The following TTBK2 variants were observed in gnomAD, a reference collection of about 807,000 sequenced individuals.
TTBK2 encodes tau tubulin kinase 2, also known as tau-tubulin kinase 2.
In TTBK2, 28 loss-of-function variants were observed where a neutral mutation model predicts 110.8. The observed-to-expected ratio is 0.25, with a 90% confidence interval of 0.19 to 0.35. The LOEUF (loss-of-function observed/expected upper bound fraction) is 0.35, where lower values mean the gene tolerates loss of function less well. Among genes scored for constraint, TTBK2 ranks in the 10% least tolerant of loss-of-function variants. The pLI, the probability that TTBK2 is intolerant of heterozygous loss-of-function variation, is 1.00. For synonymous variants in TTBK2, 532 were observed against 527.3 expected, an observed-to-expected ratio of 1.01 and a Z score of -0.12; for missense variants, 1,369 against 1,500.3, an observed-to-expected ratio of 0.91 and a Z score of 1.45.
chr15:42,801,206 C>T (rs780961684), intron 9 of TTBK2: 9 of 1,470,532 alleles, frequency 6.1e-6, no homozygotes, highest in South Asian at 4.8e-5. Flanking sequence ...GCATCCCAGA[C>T]TCCAGCCAGC....
chr15:42,902,485 A>G (rs908917801), intron 1 of TTBK2, among the ~76,000 whole-genome samples: 1 of 152,090 alleles, frequency 6.6e-6, no homozygotes, highest in Non-Finnish European at 1.5e-5. Context: ...GTGCCATTGC[A>G]CTCCAGCCTG....
chr15:42,888,768 C>G (rs1895339765), intron 1 of TTBK2, among the ~76,000 whole-genome samples: 1 of 152,140 alleles, frequency 6.6e-6, no homozygotes, highest in East Asian at 1.9e-4. Flanking sequence ...CCAAAGGAAG[C>G]TGGAGTCATT....
intron 7 of TTBK2, among the ~76,000 whole-genome samples, 170 bp downstream of exon 7, chr15:42,816,862 T>A (rs755231610): frequency 1.4e-4 from 22 of 151,812 alleles, no homozygotes; most frequent in Non-Finnish European, 2.6e-4. Flanking sequence ...GAGGTTGCGG[T>A]GAGCCAAGAT....
intron 3 of TTBK2, among the ~76,000 whole-genome samples, chr15:42,844,988 A>G (rs1445570503): frequency 6.6e-6 from 1 of 152,222 alleles, no homozygotes; most frequent in Non-Finnish European, 1.5e-5. Context: ...TACGTAAACA[A>G]AAAAAGTAAT....
rs1567040307 is a variant in TTBK2 at position 42,815,911 on chromosome 15, AAAATATATATATATTT to A, written c.603+1105_603+1120del. ...ATTTAAAAATATATATATATATTTAAAAATATATATATATTTAAAAATATATATATATATATTTAAA... is the reference window on the plus strand; with the variant it reads ...ATTTAAAAATATATATATATATTTAAAAAAATATATATATATATATTTAAA... On this transcript the variant is annotated intron_variant, in intron 7 of 14. Coordinates refer to ENST00000267890, the MANE Select transcript of TTBK2 (RefSeq NM_173500.4). 4.3e-4 allele frequency among the ~76,000 whole-genome samples: 45 copies of A among 105,226 alleles called. 2 individuals are homozygous for A. Among genetic ancestry groups the A allele is most frequent in the African/African-American group, 2.1e-3 (43 of 20,690 alleles). 69.0% of individuals were successfully genotyped at this position (105,226 alleles called of 152,430 possible).
intron 4 of TTBK2, among the ~76,000 whole-genome samples, chr15:42,833,984 C>G (rs1021087728): frequency 1.3e-5 from 2 of 151,928 alleles, no homozygotes. Flanking sequence ...GCACTGCAGC[C>G]TGGGCGACAG....
At chr15:42,910,255 C>T (rs1369912758) in intron 1 of TTBK2, among the ~76,000 whole-genome samples, 1 of 151,670 alleles carries the variant, frequency 6.6e-6, no homozygotes, top group African/African-American at 2.4e-5. Flanking sequence ...AGAAGAGTGC[C>T]CCATCTACAC....
chr15:42,802,355 G>T (rs1891258340), intron 9 of TTBK2: 1 of 768,138 alleles, frequency 1.3e-6, no homozygotes, highest in Non-Finnish European at 2.4e-6. Flanking sequence ...TTAAAGGCCT[G>T]GGGGCCAGAG....
chr15:42,874,200 T>C (rs1484207893), intron 2 of TTBK2, among the ~76,000 whole-genome samples: 1 of 152,244 alleles, frequency 6.6e-6, no homozygotes, highest in Admixed American at 6.5e-5. Context: ...CCATTTGTTC[T>C]ATTCTATTTC....
intron 13 of TTBK2, among the ~76,000 whole-genome samples, chr15:42,755,287 C>G (rs1280955952): frequency 6.6e-6 from 1 of 152,082 alleles, no homozygotes; most frequent in Non-Finnish European, 1.5e-5. Context: ...AGGAAAACTA[C>G]AGAAATTGGT....
chr15:42,853,477 G>C (rs1020580913), intron 3 of TTBK2, among the ~76,000 whole-genome samples: 1 of 152,138 alleles, frequency 6.6e-6, no homozygotes, highest in East Asian at 1.9e-4. Context: ...TGATGGAAAG[G>C]AGAAAAATTT....
rs115095423 is a variant in TTBK2 at position 42,882,630 on chromosome 15, T to A, written c.-67-3946A>T. ...CTTCATCTCAAAATAATAATAACAA[T>A]AATAATGATAACTAGATAAAAATAA... is the stretch of plus-strand genomic sequence containing the variant. On this transcript the variant is annotated intron_variant, in intron 1 of 14. Coordinates refer to ENST00000267890, the MANE Select transcript of TTBK2 (RefSeq NM_173500.4). Among the ~76,000 whole-genome samples the A allele has an allele frequency of 5.1e-3, 770 of 151,782 alleles. 9 individuals carry two copies. Among genetic ancestry groups the A allele is most frequent in the African/African-American group, 0.018 (742 of 41,396 alleles).
chr15:42,775,526 A>G lies in TTBK2; in HGVS notation c.1607T>C (p.Ile536Thr), dbSNP rs750560702. The G allele has an allele frequency of 6.2e-7, 1 of 1,614,244 alleles. No individual in the cohort carries two copies. The highest frequency in any genetic ancestry group is 8.5e-7 in the Non-Finnish European group (1 of 1,180,032). ...CTTGCAAGAGCTCAGGTTAACAGCT[A>G]TAAATCCATTGCTGCCACCACCATC... Reference protein sequence around the residue: ...QADGGGSNGFIAVNLSSCKQE... With the variant: ...QADGGGSNGFTAVNLSSCKQE... Residue 536 changes from isoleucine (I) to threonine (T), a missense_variant, in exon 13 of 15, where the codon ATA becomes ACA. Ile to Thr is a moderately conservative substitution (Grantham distance 89). Coordinates refer to ENST00000267890, the MANE Select transcript of TTBK2 (RefSeq NM_173500.4).
chr15:42,860,265 C>G (rs922678221), intron 3 of TTBK2, among the ~76,000 whole-genome samples: 1 of 151,740 alleles, frequency 6.6e-6, no homozygotes, highest in Non-Finnish European at 1.5e-5. Context: ...GGGATAAATG[C>G]AAAACAAACA....
At chr15:42,891,375 T>C (rs984892263) in intron 1 of TTBK2, among the ~76,000 whole-genome samples, 1 of 151,294 alleles carries the variant, frequency 6.6e-6, no homozygotes, top group Non-Finnish European at 1.5e-5. Context: ...AGTCTGGGTA[T>C]GTTGCCCAAG....
intron 6 of TTBK2, among the ~76,000 whole-genome samples, chr15:42,823,807 C>T (rs1490020365): frequency 6.6e-6 from 1 of 151,248 alleles, no homozygotes; most frequent in African/African-American, 2.4e-5. Context: ...AATTCTTCTT[C>T]TTCCAATGTG....
At chr15:42,771,239 C>T (rs1223755207) in intron 13 of TTBK2, among the ~76,000 whole-genome samples, 1 of 152,040 alleles carries the variant, frequency 6.6e-6, no homozygotes, top group Non-Finnish European at 1.5e-5. Context: ...TCCTAAAGTG[C>T]TGGGATTACA....
chr15:42,810,521 C>T, intron 9 of TTBK2, 93 bp downstream of exon 9: 1 of 1,509,368 alleles, frequency 6.6e-7, no homozygotes, highest in Non-Finnish European at 9.1e-7. Context: ...AGGACCTCCC[C>T]TACTCATTTA....
At position 42,893,009 on chromosome 15, in the gene TTBK2, T is replaced by A. The variant is rs1296135751; in HGVS notation, c.-67-14325A>T. ...CTGGGTGACAGAGCAAGACTCTGTC[T>A]CAAAAAAAAAAAAAAAAAGAAAGAA... is the stretch of plus-strand genomic sequence containing the variant. On this transcript the variant is annotated intron_variant, in intron 1 of 14. Transcript: ENST00000267890. Among the ~76,000 whole-genome samples, 591 of 103,142 alleles carry A rather than the reference T, an allele frequency of 5.7e-3. 8 individuals are homozygous for A. The highest frequency in any genetic ancestry group is 0.023 in the African/African-American group (558 of 24,446). The allele number at this position is 103,142 out of a possible 152,430, so 67.7% of individuals were successfully genotyped here.
Sources: gnomAD v4.1 joint callset for allele counts (sites outside exome capture counted in the v4.1 genomes callset) on GRCh38, gnomAD v4.1.1 for gene constraint, MANE v1.5 for transcripts, NCBI Gene and HGNC (gene_info 2026-07-23, HGNC 2026-07-21) for gene names.